The following ORC5 variants were observed in gnomAD, a reference collection of about 807,000 sequenced individuals.
ORC5 encodes origin recognition complex subunit 5, also known as protein phosphatase 1, regulatory subunit 117.
Under a neutral mutation model 58.8 loss-of-function variants are expected in ORC5, and 39 were observed. That is an observed-to-expected ratio of 0.66 (90% confidence interval 0.51 to 0.87). The LOEUF is 0.87. ORC5 is among the 40% of genes least tolerant of loss of function. The pLI is 0.00. For synonymous variants in ORC5, 218 were observed against 177.6 expected (o/e 1.23, Z -1.81); for missense variants, 493 against 506.3 (o/e 0.97, Z 0.25).
At chr7:104,174,002 G>A (rs906600629) in intron 8 of ORC5, among the ~76,000 whole-genome samples, 17 of 151,098 alleles carry the variant, frequency 1.1e-4, no homozygotes, top group African/African-American at 3.6e-4. Context: ...CCGCCACTAC[G>A]CCCGGCTAAT....
chr7:104,158,930 G>C (rs1013869887), intron 12 of ORC5, among the ~76,000 whole-genome samples: 1 of 132,514 alleles, frequency 7.5e-6, no homozygotes, highest in Non-Finnish European at 1.6e-5. Context: ...CGATTCCTCA[G>C]GATCTAGAAC....
At chr7:104,200,983 T>TAAA in intron 2 of ORC5, 25 bp from the exon 3 acceptor site, 4 of 1,581,000 alleles carry the variant, frequency 2.5e-6, no homozygotes, top group Non-Finnish European at 3.5e-6. Flanking sequence ...CAAAACACTG[T>TAAA]AAGTAAAGAA....
intron 12 of ORC5, among the ~76,000 whole-genome samples, chr7:104,137,144 C>T (rs563535279): frequency 6.7e-6 from 1 of 150,328 alleles, no homozygotes; most frequent in South Asian, 2.1e-4. Flanking sequence ...GTTCTGTTAC[C>T]CAGGCTAGAG....
chr7:104,199,862 C>T (rs574681534), intron 3 of ORC5, among the ~76,000 whole-genome samples: 1 of 152,288 alleles, frequency 6.6e-6, no homozygotes, highest in African/African-American at 2.4e-5. Flanking sequence ...CAAATCTCAT[C>T]TTAACTTGTA....
chr7:104,188,463 T>TA (rs76033094), intron 5 of ORC5, 82 bp from the exon 6 acceptor site: 13,706 of 962,252 alleles, frequency 0.014, 2 homozygotes, highest in South Asian at 0.019. Context: ...ACAAAGGTAT[T>TA]AAAAAAAAAA....
chr7:104,127,198 C>T (rs745849277), intron 13 of ORC5, among the ~76,000 whole-genome samples: 1 of 151,806 alleles, frequency 6.6e-6, no homozygotes, highest in Non-Finnish European at 1.5e-5. Context: ...CATTTGAAAG[C>T]TATTTGCTTT....
At chr7:104,141,374 C>A (rs1356330760) in intron 12 of ORC5, among the ~76,000 whole-genome samples, 1 of 152,138 alleles carries the variant, frequency 6.6e-6, no homozygotes, top group Non-Finnish European at 1.5e-5. Flanking sequence ...CCACTGGGCC[C>A]ATTCAGATTC....
chr7:104,163,295 G>C (rs545493734), intron 11 of ORC5, among the ~76,000 whole-genome samples: 10 of 152,272 alleles, frequency 6.6e-5, no homozygotes, highest in African/African-American at 2.2e-4. Context: ...AATGAAATAT[G>C]AATAGAAGTG....
intron 8 of ORC5, among the ~76,000 whole-genome samples, chr7:104,169,178 T>C (rs1044346779): frequency 2.0e-5 from 3 of 152,196 alleles, no homozygotes; most frequent in African/African-American, 4.8e-5. Flanking sequence ...AATTGTCATA[T>C]ACTATTTCTA....
chr7:104,145,295 C>G (rs1476805475), intron 12 of ORC5, among the ~76,000 whole-genome samples: 10 of 152,120 alleles, frequency 6.6e-5, no homozygotes, highest in African/African-American at 2.4e-4. Flanking sequence ...AAGAGATACA[C>G]AACAGTCATT....
chr7:104,152,193 G>C (rs898145512), intron 12 of ORC5, among the ~76,000 whole-genome samples: 11 of 152,124 alleles, frequency 7.2e-5, no homozygotes, highest in Non-Finnish European at 1.0e-4. Flanking sequence ...CTGTCACCCA[G>C]GCTGGAGTGC....
chr7:104,156,706 A>G (rs978175808), intron 12 of ORC5, among the ~76,000 whole-genome samples: 2 of 151,884 alleles, frequency 1.3e-5, no homozygotes, highest in Non-Finnish European at 3.0e-5. Flanking sequence ...AAAATAATAC[A>G]TGATCATCTC....
chr7:104,187,173 T>C (rs1010914088), intron 6 of ORC5, among the ~76,000 whole-genome samples: 2 of 152,152 alleles, frequency 1.3e-5, no homozygotes, highest in Non-Finnish European at 2.9e-5. Flanking sequence ...TTCCTGACCC[T>C]CTCCTCTCTG....
At chr7:104,176,530 G>C (rs572272266) in intron 8 of ORC5, among the ~76,000 whole-genome samples, 1 of 150,568 alleles carries the variant, frequency 6.6e-6, no homozygotes, top group Non-Finnish European at 1.5e-5. Context: ...TCAGTCTTAC[G>C]ATCTCTCTGC....
chr7:104,175,243 T>C (rs1322660684), intron 8 of ORC5, among the ~76,000 whole-genome samples: 1 of 152,118 alleles, frequency 6.6e-6, no homozygotes, highest in Non-Finnish European at 1.5e-5. Context: ...TGGAGCACAA[T>C]GGCCATTATT....
At chr7:104,172,307 C>T (rs1799227526) in intron 8 of ORC5, among the ~76,000 whole-genome samples, 1 of 152,170 alleles carries the variant, frequency 6.6e-6, no homozygotes, top group African/African-American at 2.4e-5. Context: ...AACAAGCAAA[C>T]AAGTTTTCCT....
Position 104,188,328 on chromosome 7 carries a change from A to C in ORC5, c.607T>G (p.Phe203Val). 1 of 1,611,552 alleles carries C rather than the reference A, an allele frequency of 6.2e-7. No homozygotes were observed. The highest frequency in any genetic ancestry group is 1.1e-5 in the South Asian group (1 of 91,032). ...HDHPPEYSAD[F>V]YAAYINILLG... ...AGAATGTTAATGTAGGCAGCATAGAAATCAGCTGAATACTCTGGAGGATGA... is the reference window on the plus strand; with the variant it reads ...AGAATGTTAATGTAGGCAGCATAGACATCAGCTGAATACTCTGGAGGATGA... The change falls in exon 6 of 14, where the codon TTC becomes GTC. Residue 203 changes from phenylalanine to valine, a missense_variant. By Grantham distance (50) the Phe-to-Val change is conservative. This residue lies in a region of ORC5 where 412 missense variants were observed against 403.7 expected (regional missense o/e 1.02). Transcript: ENST00000297431.
At chr7:104,162,526 GTAAC>G (rs1232128813) in intron 11 of ORC5, among the ~76,000 whole-genome samples, 1 of 152,220 alleles carries the variant, frequency 6.6e-6, no homozygotes, top group Non-Finnish European at 1.5e-5. Context: ...ATGCATGGGA[GTAAC>G]TATTTATTTA....
chr7:104,146,026 G>C (rs1019218534), intron 12 of ORC5, among the ~76,000 whole-genome samples: 3 of 152,196 alleles, frequency 2.0e-5, no homozygotes, highest in Non-Finnish European at 4.4e-5. Flanking sequence ...CTTCAAAGAA[G>C]AGCAAAAGGA....
Sources: allele counts gnomAD v4.1 joint callset (sites outside exome capture counted in the v4.1 genomes callset), GRCh38; gene constraint gnomAD v4.1.1; regional missense constraint gnomAD v4.1.1; transcripts MANE v1.5; gene names NCBI Gene and HGNC (gene_info 2026-07-23, HGNC 2026-07-21).